Variants in GREB1L observed in about 807,000 individuals in gnomAD.
GREB1L encodes GREB1-like protein.
In GREB1L, 17 loss-of-function variants were observed where a neutral mutation model predicts 200.8. The observed-to-expected ratio is 0.08, with a 90% CI of 0.06 to 0.13. GREB1L has a LOEUF of 0.13. GREB1L is among the 10% of genes least tolerant of loss of function. The pLI is 1.00. For synonymous variants in GREB1L, 789 were observed against 893.0 expected, an observed-to-expected ratio of 0.88 and a Z score of 2.08; for missense variants, 1,657 against 2,367.7, an observed-to-expected ratio of 0.70 and a Z score of 6.23.
chr18:21,342,390 G>A (rs1269323996), intron 1 of GREB1L, among the ~76,000 whole-genome samples: 1 of 151,408 alleles, frequency 6.6e-6, no homozygotes, highest in East Asian at 1.9e-4. Context: ...TTTTTTTTCT[G>A]TAATAATTAC....
intron 8 of GREB1L, 46 bp downstream of exon 8, chr18:21,439,683 G>A (rs1245248490): frequency 1.7e-6 from 2 of 1,172,288 alleles, no homozygotes; most frequent in East Asian, 5.1e-5. Context: ...CTTACCAGTG[G>A]TTACAAGTGC....
chr18:21,384,424 CT>C (rs1413408737), intron 4 of GREB1L, 21 bp downstream of exon 4: 1 of 1,525,054 alleles, frequency 6.6e-7, no homozygotes, highest in Non-Finnish European at 8.8e-7. Flanking sequence ...GTTGTGTTTT[CT>C]TTTTGCTATT....
intron 1 of GREB1L, among the ~76,000 whole-genome samples, chr18:21,300,920 G>T (rs961679522): frequency 2.0e-4 from 31 of 152,128 alleles, no homozygotes; most frequent in Non-Finnish European, 3.5e-4. Context: ...GGGAGGCATT[G>T]TAAGACTTAC....
chr18:21,365,155 G>GA (rs1168430233), intron 1 of GREB1L, among the ~76,000 whole-genome samples: 3 of 151,702 alleles, frequency 2.0e-5, no homozygotes, highest in East Asian at 1.9e-4. Context: ...AAAGTAAAAT[G>GA]AAAAAAACCA....
At chr18:21,325,636 G>A (rs1433234000) in intron 1 of GREB1L, among the ~76,000 whole-genome samples, 4 of 151,686 alleles carry the variant, frequency 2.6e-5, no homozygotes, top group Non-Finnish European at 4.4e-5. Flanking sequence ...GCAACAGAGG[G>A]AGACCCCATC....
chr18:21,398,677 G>A (rs1280293948), intron 5 of GREB1L, among the ~76,000 whole-genome samples: 1 of 152,142 alleles, frequency 6.6e-6, no homozygotes, highest in Non-Finnish European at 1.5e-5. Context: ...AAATGTTTAA[G>A]CTTCCACTAT....
At chr18:21,498,913 C>T (rs1455252308) in intron 21 of GREB1L, among the ~76,000 whole-genome samples, 1 of 152,234 alleles carries the variant, frequency 6.6e-6, no homozygotes, top group Non-Finnish European at 1.5e-5. Context: ...TGGGCAGCAA[C>T]AAGCCGAGCT....
At chr18:21,277,934 G>A (rs968441752) in intron 1 of GREB1L, among the ~76,000 whole-genome samples, 1 of 152,142 alleles carries the variant, frequency 6.6e-6, no homozygotes, top group Non-Finnish European at 1.5e-5. Flanking sequence ...AAGAGTGAAA[G>A]CAAGAAAGTG....
At chr18:21,265,381 A>G (rs1357128532) in intron 1 of GREB1L, among the ~76,000 whole-genome samples, 1 of 152,236 alleles carries the variant, frequency 6.6e-6, no homozygotes, top group Non-Finnish European at 1.5e-5. Context: ...TTCCTGAATG[A>G]AAAACCAAAT....
chr18:21,386,831 TA>T (rs2040564548), intron 4 of GREB1L, among the ~76,000 whole-genome samples: 1 of 152,146 alleles, frequency 6.6e-6, no homozygotes, highest in East Asian at 1.9e-4. Flanking sequence ...GAACTCATTC[TA>T]AGATAGTTTT....
intron 1 of GREB1L, among the ~76,000 whole-genome samples, chr18:21,263,175 T>G (rs541881112): frequency 1.7e-4 from 26 of 152,300 alleles, no homozygotes; most frequent in African/African-American, 6.0e-4. Flanking sequence ...TCCTGTGCAC[T>G]GCCCTTTGTT....
At chr18:21,285,793 C>A (rs2038345548) in intron 1 of GREB1L, among the ~76,000 whole-genome samples, 1 of 152,162 alleles carries the variant, frequency 6.6e-6, no homozygotes, top group South Asian at 2.1e-4. Context: ...TGTTATCTAG[C>A]AAAATTCCAG....
intron 15 of GREB1L, among the ~76,000 whole-genome samples, chr18:21,467,024 G>A (rs765628698): frequency 6.6e-6 from 1 of 152,122 alleles, no homozygotes; most frequent in African/African-American, 2.4e-5. Context: ...TCTTTTCAAC[G>A]AATGATGCTG....
intron 1 of GREB1L, among the ~76,000 whole-genome samples, chr18:21,353,833 T>G (rs2039467688): frequency 6.6e-6 from 1 of 152,232 alleles, no homozygotes; most frequent in African/African-American, 2.4e-5. Context: ...TCACCCAGGC[T>G]GAAGTGCAGT....
chr18:21,460,785 A>C (rs1452590812), intron 15 of GREB1L, among the ~76,000 whole-genome samples: 1 of 152,008 alleles, frequency 6.6e-6, no homozygotes, highest in Non-Finnish European at 1.5e-5. Flanking sequence ...AAAAAAACAA[A>C]CAAAAACTTC....
chr18:21,397,730 T>C (rs2041144969), intron 5 of GREB1L, among the ~76,000 whole-genome samples: 1 of 152,074 alleles, frequency 6.6e-6, no homozygotes, highest in African/African-American at 2.4e-5. Context: ...TCACTTTGTT[T>C]AGTGAAATTG....
intron 7 of GREB1L, among the ~76,000 whole-genome samples, chr18:21,405,996 G>A (rs2030169138): frequency 6.7e-6 from 1 of 148,416 alleles, no homozygotes; most frequent in Admixed American, 6.8e-5. Context: ...GCTGGGTGCT[G>A]TTGCAGTGAG....
chr18:21,474,074 G>A (rs1254767144), intron 16 of GREB1L, among the ~76,000 whole-genome samples: 1 of 152,068 alleles, frequency 6.6e-6, no homozygotes, highest in Admixed American at 6.6e-5. Context: ...GATTTGGGTG[G>A]GGATACAGAG....
At chr18:21,444,478 T>A (rs2034095661) in intron 11 of GREB1L, 69 bp downstream of exon 11, 4 of 1,246,746 alleles carry the variant, frequency 3.2e-6, no homozygotes, top group African/African-American at 1.5e-5. Context: ...ACTTTTTCTT[T>A]CTTTCTCACA....
Sources: gnomAD v4.1 joint callset for allele counts (sites outside exome capture counted in the v4.1 genomes callset) on GRCh38, gnomAD v4.1.1 for gene constraint, MANE v1.5 for transcripts, NCBI Gene and HGNC (gene_info 2026-07-23, HGNC 2026-07-21) for gene names.